Variants in FBXL17 observed in about 807,000 individuals in gnomAD.
FBXL17 encodes F-box and leucine rich repeat protein 17.
Under a neutral mutation model 66.2 loss-of-function variants are expected in FBXL17, and 22 were observed. The ratio of observed to expected loss-of-function variants is 0.33; its 90% CI spans 0.24 to 0.47. The LOEUF is 0.47. FBXL17 is among the 20% of genes least tolerant of loss of function. The probability of loss-of-function intolerance (pLI) is 1.00; values close to 1 mark genes in which losing one functional copy is unlikely to be tolerated. For synonymous variants in FBXL17, 474 were observed against 400.5 expected (o/e 1.18, Z -2.19); for missense variants, 878 against 948.2 (o/e 0.93, Z 0.97).
chr5:108,289,684 A>C (rs1302949963), intron 4 of FBXL17, among the ~76,000 whole-genome samples: 1 of 152,140 alleles, frequency 6.6e-6, no homozygotes, highest in Admixed American at 6.6e-5. Flanking sequence ...GAAGTTAGGC[A>C]GTCTGGGGTT....
At chr5:108,280,254 T>TTA (rs1358106712) in intron 4 of FBXL17, among the ~76,000 whole-genome samples, 6 of 152,062 alleles carry the variant, frequency 3.9e-5, no homozygotes, top group Non-Finnish European at 8.8e-5. Flanking sequence ...ATAAAGGAAA[T>TTA]TACATCAGAT....
intron 4 of FBXL17, among the ~76,000 whole-genome samples, chr5:108,257,912 T>C (rs1756644472): frequency 1.3e-5 from 2 of 152,184 alleles, no homozygotes; most frequent in South Asian, 4.1e-4. Context: ...AGAAAAATTA[T>C]GTTTGCATCA....
intron 4 of FBXL17, among the ~76,000 whole-genome samples, chr5:108,342,043 CT>C (rs1746914462): frequency 6.6e-6 from 1 of 152,120 alleles, no homozygotes; most frequent in African/African-American, 2.4e-5. Flanking sequence ...GGCAGTATAA[CT>C]CTTGTTTAAT....
chr5:108,378,273 A>G (rs146891316), intron 1 of FBXL17, among the ~76,000 whole-genome samples: 1 of 149,404 alleles, frequency 6.7e-6, no homozygotes, highest in East Asian at 1.9e-4. Flanking sequence ...AACATCCTTT[A>G]AATTCTTAAA....
At chr5:107,962,263 T>C (rs1751943543) in intron 7 of FBXL17, among the ~76,000 whole-genome samples, 1 of 152,198 alleles carries the variant, frequency 6.6e-6, no homozygotes, top group African/African-American at 2.4e-5. Flanking sequence ...TTAAAAATTA[T>C]TTAAACCTAT....
chr5:107,927,492 C>G (rs1750562809), intron 7 of FBXL17, among the ~76,000 whole-genome samples: 1 of 152,070 alleles, frequency 6.6e-6, no homozygotes, highest in African/African-American at 2.4e-5. Context: ...GGAACAATCA[C>G]TTTCTTTTAC....
At chr5:108,184,747 CA>C (rs34512714) in intron 6 of FBXL17, among the ~76,000 whole-genome samples, 259 of 82,546 alleles carry the variant, frequency 3.1e-3, no homozygotes, top group African/African-American at 0.011. Context: ...GACTCGGTCT[CA>C]AAAAAAAAAA....
At chr5:107,943,281 A>T (rs1470741384) in intron 7 of FBXL17, among the ~76,000 whole-genome samples, 4 of 152,112 alleles carry the variant, frequency 2.6e-5, no homozygotes, top group Non-Finnish European at 5.9e-5. Context: ...ACTGAAATAC[A>T]TCCTGTTTTC....
intron 6 of FBXL17, among the ~76,000 whole-genome samples, chr5:108,100,917 A>G (rs765609444): frequency 5.9e-5 from 9 of 152,216 alleles, no homozygotes; most frequent in Admixed American, 1.3e-4. Context: ...CTACAAATAC[A>G]GATGGAGCTG....
intron 7 of FBXL17, among the ~76,000 whole-genome samples, chr5:107,886,971 T>C (rs542830632): frequency 1.3e-5 from 2 of 149,028 alleles, no homozygotes; most frequent in Non-Finnish European, 1.5e-5. Context: ...TAGGGTGACA[T>C]GACAACTAAA....
intron 7 of FBXL17, among the ~76,000 whole-genome samples, chr5:107,944,147 T>C (rs1751206725): frequency 6.6e-6 from 1 of 152,232 alleles, no homozygotes; most frequent in African/African-American, 2.4e-5. Context: ...AGATCCTCCC[T>C]ACATACCTTA....
intron 4 of FBXL17, among the ~76,000 whole-genome samples, chr5:108,326,371 T>C (rs79353196): frequency 0.048 from 7,245 of 151,956 alleles, 585 homozygotes; most frequent in African/African-American, 0.17. Flanking sequence ...GGCAGGCAGA[T>C]AACCTGAGGC....
chr5:107,913,326 G>A (rs928212326), intron 7 of FBXL17, among the ~76,000 whole-genome samples: 2 of 152,138 alleles, frequency 1.3e-5, no homozygotes, highest in African/African-American at 4.8e-5. Context: ...TAGGCAGAAT[G>A]TAGAAATGGC....
At chr5:108,218,357 T>C (rs1754703648) in intron 5 of FBXL17, among the ~76,000 whole-genome samples, 1 of 152,164 alleles carries the variant, frequency 6.6e-6, no homozygotes, top group South Asian at 2.1e-4. Flanking sequence ...ATATCAACTT[T>C]GGCTACTGTG....
chr5:108,054,601 G>A (rs1747613684), intron 6 of FBXL17, among the ~76,000 whole-genome samples: 1 of 152,192 alleles, frequency 6.6e-6, no homozygotes, highest in Non-Finnish European at 1.5e-5. Flanking sequence ...GTCAGCCTTT[G>A]CTGAATGGGT....
At chr5:108,273,880 A>G (rs988712549) in intron 4 of FBXL17, among the ~76,000 whole-genome samples, 11 of 152,182 alleles carry the variant, frequency 7.2e-5, no homozygotes, top group African/African-American at 2.2e-4. Flanking sequence ...ATGAAAAGCT[A>G]TATTTCAACA....
At chr5:107,976,094 T>G (rs570698459) in intron 7 of FBXL17, among the ~76,000 whole-genome samples, 1 of 152,240 alleles carries the variant, frequency 6.6e-6, no homozygotes, top group South Asian at 2.1e-4. Context: ...CCTGACCTCA[T>G]AATCTGCCTG....
intron 4 of FBXL17, among the ~76,000 whole-genome samples, chr5:108,265,166 G>C (rs1168459431): frequency 6.6e-6 from 1 of 151,784 alleles, no homozygotes; most frequent in Non-Finnish European, 1.5e-5. Flanking sequence ...TGTCCTTTTA[G>C]TTGCTTTGAT....
At chr5:108,268,394 TA>T (rs1193727782) in intron 4 of FBXL17, among the ~76,000 whole-genome samples, 1 of 152,000 alleles carries the variant, frequency 6.6e-6, no homozygotes, top group Non-Finnish European at 1.5e-5. Flanking sequence ...GTATAAGATT[TA>T]AAGGCAAATC....
Sources: gnomAD v4.1 joint callset for allele counts (sites outside exome capture counted in the v4.1 genomes callset) on GRCh38, gnomAD v4.1.1 for gene constraint, MANE v1.5 for transcripts, NCBI Gene and HGNC (gene_info 2026-07-23, HGNC 2026-07-21) for gene names.